Variants in CPNE8 observed in about 807,000 individuals in gnomAD.
CPNE8 encodes the protein copine 8, also known as copine-8.
Under a neutral mutation model 81.5 loss-of-function variants are expected in CPNE8, and 45 were observed. The observed-to-expected ratio is 0.55, with a 90% CI of 0.44 to 0.71. The LOEUF is 0.71. CPNE8 is among the 30% of genes least tolerant of loss of function. The pLI is 0.00. For synonymous variants in CPNE8, 252 were observed against 226.3 expected, an observed-to-expected ratio of 1.11 and a Z score of -1.02; for missense variants, 594 against 672.1, an observed-to-expected ratio of 0.88 and a Z score of 1.28.
intron 6 of CPNE8, among the ~76,000 whole-genome samples, chr12:38,799,302 C>T (rs950097726): frequency 6.6e-6 from 1 of 152,070 alleles, no homozygotes; most frequent in Non-Finnish European, 1.5e-5. Flanking sequence ...GGAAGTAAAG[C>T]TCTCCTCAGC....
chr12:38,685,807 A>T (rs1939520987), intron 15 of CPNE8, 190 bp from the exon 16 acceptor site: 3 of 460,860 alleles, frequency 6.5e-6, no homozygotes, highest in Admixed American at 7.5e-5. Context: ...ATGATATATT[A>T]TGTAGATAAT....
chr12:38,874,012 C>T (rs563003821), intron 2 of CPNE8, among the ~76,000 whole-genome samples: 110 of 150,272 alleles, frequency 7.3e-4, no homozygotes, highest in African/African-American at 2.6e-3. Flanking sequence ...GTAGCCCAGG[C>T]TGGTCTTGAA....
chr12:38,688,328 A>C (rs1015640167), intron 15 of CPNE8, among the ~76,000 whole-genome samples: 1 of 152,200 alleles, frequency 6.6e-6, no homozygotes, highest in Non-Finnish European at 1.5e-5. Context: ...AGTTGCTCTA[A>C]GGTTTCCTCA....
chr12:38,782,251 A>G (rs979801628), intron 6 of CPNE8, among the ~76,000 whole-genome samples: 1 of 152,132 alleles, frequency 6.6e-6, no homozygotes, highest in Non-Finnish European at 1.5e-5. Flanking sequence ...GGTCAATAAA[A>G]GACAAAGGCT....
At chr12:38,660,372 C>T (rs1938926016) in intron 19 of CPNE8, among the ~76,000 whole-genome samples, 1 of 152,066 alleles carries the variant, frequency 6.6e-6, no homozygotes, top group Non-Finnish European at 1.5e-5. Context: ...GGAAAGGATT[C>T]CCTATTTAAT....
At chr12:38,677,002 A>AC (rs60409802) in intron 17 of CPNE8, among the ~76,000 whole-genome samples, 117,057 of 151,970 alleles carry the variant, frequency 0.77, 49,865 homozygotes, top group Middle Eastern at 0.97. Flanking sequence ...CCCTAAAAAA[A>AC]AAACATACAA....
intron 6 of CPNE8, among the ~76,000 whole-genome samples, chr12:38,797,314 G>A (rs1430047832): frequency 2.0e-5 from 3 of 152,126 alleles, no homozygotes; most frequent in East Asian, 1.9e-4. Flanking sequence ...GGGGCAGACT[G>A]ACACCTCACA....
intron 7 of CPNE8, among the ~76,000 whole-genome samples, chr12:38,773,662 G>A (rs1163627741): frequency 6.6e-6 from 1 of 152,034 alleles, no homozygotes; most frequent in Non-Finnish European, 1.5e-5. Flanking sequence ...GAAAAATGTA[G>A]ATTTTTATGA....
chr12:38,671,075 A>G, intron 18 of CPNE8: 1 of 302,894 alleles, frequency 3.3e-6, no homozygotes, highest in Non-Finnish European at 6.0e-6. Flanking sequence ...ACCCTGTGAA[A>G]CTGTCTCTGG....
chr12:38,805,420 C>A (rs1309954017), intron 6 of CPNE8, among the ~76,000 whole-genome samples: 1 of 59,962 alleles, frequency 1.7e-5, no homozygotes. Context: ...AACAAAAAAC[C>A]AAACACCGCA....
chr12:38,855,388 GA>G (rs1943714290), intron 3 of CPNE8, among the ~76,000 whole-genome samples: 3 of 151,814 alleles, frequency 2.0e-5, no homozygotes, highest in African/African-American at 7.3e-5. Context: ...GTTTTATATA[GA>G]ACCACAAAAG....
intron 1 of CPNE8, among the ~76,000 whole-genome samples, chr12:38,881,838 A>G (rs1463572337): frequency 6.6e-6 from 1 of 152,222 alleles, no homozygotes; most frequent in African/African-American, 2.4e-5. Context: ...AGCTTTCAGA[A>G]AAAGATACAG....
Position 38,811,217 on chromosome 12 carries a change from AT to A in CPNE8, c.407+18161del, listed in dbSNP as rs1451883830. Among the ~76,000 whole-genome samples the A allele has an allele frequency of 2.3e-5, 3 of 133,156 alleles. No individual in the cohort carries two copies. In the East Asian group the frequency reaches 5.8e-4, roughly 26 times the overall value. The allele number at this position is 133,156 out of a possible 152,430, so 87.4% of individuals were successfully genotyped here. On this transcript the variant is annotated intron_variant, in intron 6 of 19. Transcript: ENST00000331366. ...TAAGTTTTATTGCAGTATTGCGTAT[AT>A]AAAAAAAAACCTAAAAACTACTAAA...
chr12:38,719,719 T>C (rs539312006), intron 13 of CPNE8, among the ~76,000 whole-genome samples: 4 of 152,194 alleles, frequency 2.6e-5, no homozygotes, highest in African/African-American at 9.6e-5. Context: ...GATTCCACTA[T>C]CCAAAAGAAT....
chr12:38,725,112 A>G (rs776326184), intron 11 of CPNE8, among the ~76,000 whole-genome samples: 1 of 152,158 alleles, frequency 6.6e-6, no homozygotes, highest in Non-Finnish European at 1.5e-5. Context: ...TTTGTCTGTA[A>G]TATTCTTCTC....
rs145635815 is a variant in CPNE8 at position 38,653,952 on chromosome 12, C to G, written c.1625G>C (p.Arg542Pro). The G allele has an allele frequency of 2.0e-5, 32 of 1,613,458 alleles. No homozygotes were observed. The highest frequency in any genetic ancestry group is 2.7e-5 in the Non-Finnish European group (32 of 1,179,904). ...PEQFLSYMRA[R>P]GIKPSPAPPP... ...AGGCGCAGGTGATGGCTTGATTCCTCGGGCTCTCATATAGGAGAGAAACTG... is the reference window on the plus strand; with the variant it reads ...AGGCGCAGGTGATGGCTTGATTCCTGGGGCTCTCATATAGGAGAGAAACTG... The change falls in exon 20 of 20, where the codon CGA (arginine) becomes CCA (proline). Residue 542 changes from arginine (R) to proline (P), a missense_variant. Physicochemically the swap from Arg to Pro is moderately radical, Grantham distance 103 (BLOSUM62 -2). Coordinates refer to ENST00000331366, the MANE Select transcript of CPNE8 (RefSeq NM_153634.3).
intron 4 of CPNE8, among the ~76,000 whole-genome samples, chr12:38,847,490 T>C (rs1485359061): frequency 6.6e-6 from 1 of 152,194 alleles, no homozygotes; most frequent in African/African-American, 2.4e-5. Flanking sequence ...CTACATTTCA[T>C]TTCAGTTTCT....
intron 13 of CPNE8, among the ~76,000 whole-genome samples, chr12:38,718,954 CAT>C (rs1940480022): frequency 6.6e-6 from 1 of 151,934 alleles, no homozygotes; most frequent in Admixed American, 6.6e-5. Context: ...GTGTATTGCA[CAT>C]AGTGTGATCC....
rs1241034571 is a variant in CPNE8, at chr12:38,660,282, A to C, written c.1507-6212T>G. Among the ~76,000 whole-genome samples, 16 of 152,218 alleles carry C rather than the reference A, an allele frequency of 1.1e-4. No homozygotes were observed. The East Asian group carries it at 3.1e-3, about 29-fold the overall frequency. ...CAAAACACAGATATGGACCAATGGA[A>C]CAGAACAGAGGCCTCAGAAATAACA... On this transcript the variant is annotated intron_variant, in intron 19 of 19. Coordinates refer to ENST00000331366, the MANE Select transcript of CPNE8 (RefSeq NM_153634.3).
Sources: allele counts gnomAD v4.1 joint callset (sites outside exome capture counted in the v4.1 genomes callset), GRCh38; gene constraint gnomAD v4.1.1; transcripts MANE v1.5; gene names NCBI Gene and HGNC (gene_info 2026-07-23, HGNC 2026-07-21).